Variants in TRIM72 observed in about 807,000 individuals in gnomAD.
TRIM72 encodes the protein tripartite motif-containing protein 72.
TRIM72 carries 33 observed loss-of-function variants against 31.6 expected under a neutral mutation model. The ratio of observed to expected loss-of-function variants is 1.04; its 90% CI spans 0.79 to 1.40. The LOEUF is 1.40. TRIM72 is among the 40% of genes most tolerant of loss of function. The pLI is 0.00. For synonymous variants in TRIM72, 301 were observed against 314.4 expected (o/e 0.96, Z 0.45); for missense variants, 666 against 682.7 (o/e 0.98, Z 0.27).
rs769775802 is a variant in TRIM72 at position 31,219,390 on chromosome 16, T to C, written c.588T>C (p.Arg196=). 6.2e-7 allele frequency: 1 copy of C among 1,613,842 alleles called. No homozygotes were observed. The highest frequency in any genetic ancestry group is 1.7e-5 in the Admixed American group (1 of 59,976). ...GCTCCTTGGACCGCGAGGCAGAGCG[T>C]GTACGGGGTGAGGCAGGGGTCGCCT... The part of the protein sequence containing the change: ...LEGSLDREAE[R]VRGEAGVALR... The change falls in exon 4 of 7, where the codon CGT becomes CGC. Residue 196 remains arginine (R), a synonymous_variant. Coordinates refer to ENST00000322122, the MANE Select transcript of TRIM72 (RefSeq NM_001008274.4). This position sits in a 1 kb window ranked among gnomAD's most constrained non-coding sequence, Gnocchi z 4.2.
Position 31,224,746 on chromosome 16 carries a change from C to G in TRIM72, c.1425C>G (p.Ala475=), listed in dbSNP as rs1218994407. 1 of 1,491,778 alleles carries G rather than the reference C, an allele frequency of 6.7e-7. No individual in the cohort carries two copies. The highest frequency in any genetic ancestry group is 1.3e-5 in the South Asian group (1 of 79,720). 92.4% of individuals were successfully genotyped at this position (1,491,778 alleles called of 1,614,324 possible). Residue 475 remains alanine, a synonymous_variant, in exon 7 of 7, where the codon GCC becomes GCG. Transcript: ENST00000322122. ...QPLLLVGPEG[A]EA is the part of the protein sequence containing the mutation. The stretch of plus-strand genomic sequence containing the variant: ...TGCTGCTCGTGGGTCCCGAAGGCGC[C>G]GAGGCCTGAGCCGCCGGACGGGTAG...
chr16:31,222,067 C>T (rs1285192175), intron 5 of TRIM72, among the ~76,000 whole-genome samples: 1 of 152,140 alleles, frequency 6.6e-6, no homozygotes, highest in Non-Finnish European at 1.5e-5. Context: ...AGCTGAGAGG[C>T]TTGGACCTTA....
At chr16:31,217,115 G>A in intron 2 of TRIM72, 1 of 1,392,148 alleles carries the variant, frequency 7.2e-7, no homozygotes, top group Non-Finnish European at 9.8e-7. Context: ...CCGCCCCCGG[G>A]GATGTCCCGG....
At chr16:31,224,099 A>G in intron 6 of TRIM72, 82 bp from the exon 7 acceptor site, 2 of 1,478,984 alleles carry the variant, frequency 1.4e-6, no homozygotes, top group Non-Finnish European at 1.8e-6. Context: ...ATTAGGGGAG[A>G]GAAAGCTGGC....
intron 2 of TRIM72, among the ~76,000 whole-genome samples, chr16:31,218,044 C>T (rs1243133568): frequency 1.3e-5 from 2 of 152,128 alleles, no homozygotes; most frequent in Admixed American, 6.6e-5. Flanking sequence ...AGAGGAAGCC[C>T]AGGAGTAGGG....
rs200361055 is a variant in TRIM72, at chr16:31,216,448, C to CA, written c.390+1328dup. ...AAAAAAAAAACAAAAAACAAACAAA[C>CA]AAAAAAAACCCAACCTCGCCCAACC... is the stretch of plus-strand genomic sequence containing the variant. On this transcript the variant is annotated intron_variant, in intron 2 of 6. Coordinates refer to ENST00000322122, the MANE Select transcript of TRIM72 (RefSeq NM_001008274.4). This position sits in a 1 kb window ranked among gnomAD's most constrained non-coding sequence, Gnocchi z 6.7. The CA allele has an allele frequency of 8.4e-3, 3,088 of 368,798 alleles. 91 individuals carry two copies. Among genetic ancestry groups the CA allele is most frequent in the African/African-American group, 0.059 (2,803 of 47,706 alleles). The allele number at this position is 368,798 out of a possible 1,614,324, so 22.8% of individuals were successfully genotyped here. A position where few individuals can be genotyped will look rare whatever the true frequency, so the allele number is the denominator to read the frequency against.
chr16:31,218,088 T>A (rs1224282115), intron 2 of TRIM72, among the ~76,000 whole-genome samples: 2 of 152,084 alleles, frequency 1.3e-5, no homozygotes, highest in East Asian at 3.9e-4. Flanking sequence ...ATATCCTTCA[T>A]GTACCCCCTG....
At position 31,219,640 on chromosome 16, in the gene TRIM72, G is replaced by A. The variant is rs1323792302; in HGVS notation, c.717+121G>A. ...TAAGCCAGCAGCACACAGCCGGGAG[G>A]GGCAGGCCTCAGGACTGCTATATGG... On this transcript the variant is annotated intron_variant, in intron 4 of 6. Coordinates refer to ENST00000322122, the MANE Select transcript of TRIM72 (RefSeq NM_001008274.4). The surrounding 1 kb of genome is among the most constrained non-coding windows in gnomAD (Gnocchi z 4.2). The A allele has an allele frequency of 1.3e-5, 12 of 923,420 alleles. No homozygotes were observed. The allele number at this position is 923,420 out of a possible 1,614,324, so 57.2% of individuals were successfully genotyped here.
chr16:31,221,751 G>GGGGAGAAGGGCATTGCT (rs1314578358), intron 5 of TRIM72, among the ~76,000 whole-genome samples: 6 of 144,966 alleles, frequency 4.1e-5, no homozygotes, highest in African/African-American at 7.8e-5. Context: ...AGCGCACTGT[G>GGGGAGAAGGGCATTGCT]GGGAGAAGGG....
At position 31,227,202 on chromosome 16, in the gene TRIM72, CT is replaced by C. The variant is rs1413245674; in HGVS notation, c.*2448del. Reference sequence around the variant, plus strand: ...TCCACATGAAAAGACATGTGACCTACTGCAAGGCCTCCTAATTGCCCTCCAG... The same window carrying C: ...TCCACATGAAAAGACATGTGACCTACGCAAGGCCTCCTAATTGCCCTCCAG... On this transcript the variant is annotated 3_prime_UTR_variant, in exon 7 of 7. Transcript: ENST00000322122. 3.3e-5 allele frequency: 5 copies of C among 152,352 alleles called. No homozygotes were observed. In the East Asian group the frequency reaches 5.8e-4, roughly 18 times the overall value. 9.4% of individuals were successfully genotyped at this position (152,352 alleles called of 1,614,324 possible). A position where few individuals can be genotyped will look rare whatever the true frequency, so the allele number is the denominator to read the frequency against.
In TRIM72 at chr16:31,219,212, G is replaced by A; in HGVS notation, c.486+22G>A. 6.2e-7 allele frequency: 1 copy of A among 1,613,948 alleles called. No homozygotes were observed. The highest frequency in any genetic ancestry group is 8.5e-7 in the Non-Finnish European group (1 of 1,179,910). Reference sequence around the variant, plus strand: ...GGAGGTGAGGACTTCACAGGGCCATGTCTGAGGGCTGGGGGCCAGGCTAGG... The same window carrying A: ...GGAGGTGAGGACTTCACAGGGCCATATCTGAGGGCTGGGGGCCAGGCTAGG... On this transcript the variant is annotated intron_variant, in intron 3 of 6. Coordinates refer to ENST00000322122, the MANE Select transcript of TRIM72 (RefSeq NM_001008274.4). The surrounding 1 kb of genome is among the most constrained non-coding windows in gnomAD (Gnocchi z 4.2).
Position 31,216,639 on chromosome 16 carries a change from G to C in TRIM72, c.390+1511G>C. ...GGGGCTGGCCGGAGGTCTGAGGGAG[G>C]ACCCCAGGAGGGACCCTGAAGGAGG... On this transcript the variant is annotated intron_variant, in intron 2 of 6. Transcript: ENST00000322122. The surrounding 1 kb of genome is among the most constrained non-coding windows in gnomAD (Gnocchi z 6.7). 8.1e-7 allele frequency: 1 copy of C among 1,241,390 alleles called. No individual in the cohort carries two copies. The highest frequency in any genetic ancestry group is 2.4e-5 in the East Asian group (1 of 42,362). 76.9% of individuals were successfully genotyped at this position (1,241,390 alleles called of 1,614,324 possible).
rs1421398310 is a variant in TRIM72, at chr16:31,229,235, C to T, written c.*4480C>T. On this transcript the variant is annotated 3_prime_UTR_variant, in exon 7 of 7. Coordinates refer to ENST00000322122, the MANE Select transcript of TRIM72 (RefSeq NM_001008274.4). ...TGGGGAGGGCCATCAGACCGTGTCGCAAGTCTGCTGTTCGTGTGGGAGGGA... is the reference window on the plus strand; with the variant it reads ...TGGGGAGGGCCATCAGACCGTGTCGTAAGTCTGCTGTTCGTGTGGGAGGGA... 1.4e-5 allele frequency: 2 copies of T among 143,630 alleles called. No homozygotes were observed. The highest frequency in any genetic ancestry group is 4.7e-4 in the East Asian group (2 of 4,250). 8.9% of individuals were successfully genotyped at this position (143,630 alleles called of 1,614,324 possible).
rs1334476118 is a variant in TRIM72 at position 31,215,194 on chromosome 16, G to C, written c.390+66G>C. On this transcript the variant is annotated intron_variant, in intron 2 of 6. Transcript: ENST00000322122. The surrounding 1 kb of genome is among the most constrained non-coding windows in gnomAD (Gnocchi z 6.3). ...GTGGCACGGGGCCGATGGGGAGGTC[G>C]CTGCAGTGATTTGGATTCTGAGTCT... 7.1e-7 allele frequency: 1 copy of C among 1,413,924 alleles called. No individual in the cohort carries two copies. The highest frequency in any genetic ancestry group is 1.6e-5 in the South Asian group (1 of 62,704). The allele number at this position is 1,413,924 out of a possible 1,614,324, so 87.6% of individuals were successfully genotyped here.
At chr16:31,218,089 G>A (rs2079518247) in intron 2 of TRIM72, among the ~76,000 whole-genome samples, 1 of 152,092 alleles carries the variant, frequency 6.6e-6, no homozygotes, top group African/African-American at 2.4e-5. Flanking sequence ...TATCCTTCAT[G>A]TACCCCCTGA....
rs748528190 is a variant in TRIM72, at chr16:31,219,135, G to C, written c.431G>C (p.Cys144Ser). The part of the protein sequence containing the change: ...PQQKLQLQEA[C>S]MRKEKSVAVL... ...CAGAAACTGCAGCTGCAGGAGGCAT[G>C]CATGCGCAAGGAGAAGAGTGTGGCT... is the stretch of plus-strand genomic sequence containing the variant. The change falls in exon 3 of 7, where the codon TGC becomes TCC. Residue 144 changes from cysteine to serine, a missense_variant. Transcript: ENST00000322122. The surrounding 1 kb of genome is among the most constrained non-coding windows in gnomAD (Gnocchi z 4.2). The C allele has an allele frequency of 3.7e-6, 6 of 1,601,038 alleles. No homozygotes were observed. The East Asian group carries it at 1.4e-4, about 36-fold the overall frequency.
Position 31,230,893 on chromosome 16 carries a change from T to G in TRIM72, c.*6138T>G, listed in dbSNP as rs1398193193. 4 of 152,122 alleles carry G rather than the reference T, an allele frequency of 2.6e-5. No homozygotes were observed. The highest frequency in any genetic ancestry group is 9.7e-5 in the African/African-American group (4 of 41,408). 9.4% of individuals were successfully genotyped at this position (152,122 alleles called of 1,614,324 possible). A position where few individuals can be genotyped will look rare whatever the true frequency, so the allele number is the denominator to read the frequency against. ...ATTATCCCACTGCAGAATGAGACTC[T>G]GTCTCAAAGGAAAAAAAAGAAAATT... On this transcript the variant is annotated 3_prime_UTR_variant, in exon 7 of 7. Transcript: ENST00000322122.
chr16:31,219,274 GC>G lies in TRIM72; in HGVS notation c.487-11del. ...AAGAGTCTTTATCCCTTCAATCACT[GC>G]CCCATCCCTGCAGGAGACAGTGCGT... On this transcript the variant is annotated splice_polypyrimidine_tract_variant and intron_variant, in intron 3 of 6. Transcript: ENST00000322122. This position sits in a 1 kb window ranked among gnomAD's most constrained non-coding sequence, Gnocchi z 4.2. The G allele has an allele frequency of 1.2e-6, 2 of 1,614,184 alleles. No homozygotes were observed. Among genetic ancestry groups the G allele is most frequent in the Non-Finnish European group, 1.7e-6 (2 of 1,180,020 alleles).
chr16:31,221,028 T>C (rs1445422065), intron 5 of TRIM72, 110 bp downstream of exon 5: 6 of 1,375,450 alleles, frequency 4.4e-6, no homozygotes, highest in Non-Finnish European at 6.2e-6. Context: ...CAATTCAGTC[T>C]GCTGCCCCAC....
Sources: allele counts gnomAD v4.1 joint callset (sites outside exome capture counted in the v4.1 genomes callset), GRCh38; gene constraint gnomAD v4.1.1; non-coding constraint Gnocchi (gnomAD v3.1); transcripts MANE v1.5; gene names NCBI Gene and HGNC (gene_info 2026-07-23, HGNC 2026-07-21).